Variants in WDR27 observed in about 807,000 individuals in gnomAD.
The protein encoded by WDR27 is WD repeat-containing protein 27.
Under a neutral mutation model 114.4 loss-of-function variants are expected in WDR27, and 100 were observed. The observed-to-expected ratio is 0.87, with a 90% CI of 0.74 to 1.03. The LOEUF is 1.03. WDR27 is among the 50% of genes least tolerant of loss of function. The pLI, the probability that WDR27 is intolerant of heterozygous loss-of-function variation, is 0.00. For synonymous variants in WDR27, 449 were observed against 423.1 expected, an observed-to-expected ratio of 1.06 and a Z score of -0.75; for missense variants, 1,129 against 1,092.9, an observed-to-expected ratio of 1.03 and a Z score of -0.47.
At chr6:169,692,240 T>C (rs937727367) in intron 1 of WDR27, among the ~76,000 whole-genome samples, 1 of 152,180 alleles carries the variant, frequency 6.6e-6, no homozygotes, top group Non-Finnish European at 1.5e-5. Flanking sequence ...AGGGAAGCCA[T>C]CCCTGACTGT....
At chr6:169,607,804 C>G (rs1809563882) in intron 22 of WDR27, among the ~76,000 whole-genome samples, 1 of 152,160 alleles carries the variant, frequency 6.6e-6, no homozygotes, top group Non-Finnish European at 1.5e-5. Flanking sequence ...GCAATAATCA[C>G]TAGAAAATGG....
intron 23 of WDR27, among the ~76,000 whole-genome samples, chr6:169,592,864 T>A (rs2128157077): frequency 6.6e-6 from 1 of 152,326 alleles, no homozygotes; most frequent in Non-Finnish European, 1.5e-5. Context: ...TTACCGGGTG[T>A]TTTAGCAGAA....
chr6:169,589,403 G>A (rs1805269513), intron 23 of WDR27, among the ~76,000 whole-genome samples: 1 of 152,162 alleles, frequency 6.6e-6, no homozygotes. Flanking sequence ...CTGAGGGCAG[G>A]CAGCCTTCCA....
chr6:169,436,378 A>G, the WDR27 span, among the ~76,000 whole-genome samples: 1 of 152,144 alleles, frequency 6.6e-6, no homozygotes, highest in Non-Finnish European at 1.5e-5. Context: ...TAAAAGCAAA[A>G]TAATTTTTGT....
At chr6:169,582,410 T>G (rs549644980) in intron 24 of WDR27, among the ~76,000 whole-genome samples, 31 of 152,368 alleles carry the variant, frequency 2.0e-4, no homozygotes, top group African/African-American at 7.5e-4. Flanking sequence ...CTGGAAATGC[T>G]GCAGACTTTT....
chr6:169,551,005 C>T (rs995856137), intron 25 of WDR27, among the ~76,000 whole-genome samples: 10 of 152,216 alleles, frequency 6.6e-5, no homozygotes, highest in African/African-American at 1.2e-4. Context: ...TGTCAGCCAC[C>T]GCACCTGGAC....
chr6:169,685,268 G>GA (rs60810429), intron 2 of WDR27, among the ~76,000 whole-genome samples: 25,991 of 141,504 alleles, frequency 0.18, 2,933 homozygotes, highest in African/African-American at 0.31. Context: ...GAAAATCAAA[G>GA]AAAAAAAAAA....
chr6:169,670,673 C>G lies in WDR27; in HGVS notation c.352G>C (p.Val118Leu), dbSNP rs367700213. The G allele has an allele frequency of 6.2e-7, 1 of 1,613,986 alleles. No homozygotes were observed. Among genetic ancestry groups the G allele is most frequent in the Non-Finnish European group, 8.5e-7 (1 of 1,179,888 alleles). ...ACCTTTCCCAAAAGCGAGCCCATGACAGTCCCTCGAGGGACCAGCCCTAGA... is the reference window on the plus strand; with the variant it reads ...ACCTTTCCCAAAAGCGAGCCCATGAGAGTCCCTCGAGGGACCAGCCCTAGA... ...VLQGLVPRGT[V>L]MGSLLGKVLC... The change falls in exon 4 of 26, where the codon GTC becomes CTC. Residue 118 changes from valine (V) to leucine (L), a missense_variant. Physicochemically the swap from Val to Leu is conservative, Grantham distance 32. Coordinates refer to ENST00000448612, the MANE Select transcript of WDR27 (RefSeq NM_182552.5).
chr6:169,597,099 A>G (rs1054011898), intron 23 of WDR27, among the ~76,000 whole-genome samples: 4 of 152,174 alleles, frequency 2.6e-5, no homozygotes, highest in Admixed American at 6.5e-5. Flanking sequence ...AAGTATTATC[A>G]TATCAGCTTC....
intron 25 of WDR27, among the ~76,000 whole-genome samples, chr6:169,505,207 C>T (rs1053764407): frequency 2.6e-5 from 4 of 152,204 alleles, no homozygotes; most frequent in Non-Finnish European, 4.4e-5. Flanking sequence ...TGTAAATATT[C>T]TTAAGAACTT....
intron 13 of WDR27, among the ~76,000 whole-genome samples, chr6:169,655,293 G>A (rs1368880821): frequency 6.6e-6 from 1 of 152,232 alleles, no homozygotes; most frequent in Non-Finnish European, 1.5e-5. Flanking sequence ...GCCATCGTCT[G>A]CCATCGACCT....
chr6:169,620,539 T>C (rs1198486824), intron 21 of WDR27, among the ~76,000 whole-genome samples: 2 of 152,144 alleles, frequency 1.3e-5, no homozygotes, highest in African/African-American at 4.8e-5. Flanking sequence ...CTCAAAAGAA[T>C]GTAACCTTTT....
At chr6:169,642,924 G>T (rs571631098) in intron 17 of WDR27, among the ~76,000 whole-genome samples, 67 of 152,278 alleles carry the variant, frequency 4.4e-4, no homozygotes, top group Non-Finnish European at 8.4e-4. Flanking sequence ...TCAGATTTTG[G>T]AGTATTTGCA....
At chr6:169,573,454 G>C (rs1584310268) in intron 24 of WDR27, among the ~76,000 whole-genome samples, 1 of 152,100 alleles carries the variant, frequency 6.6e-6, no homozygotes, top group South Asian at 2.1e-4. Flanking sequence ...ACCAAACTCG[G>C]ATCAAAAATA....
intron 13 of WDR27, among the ~76,000 whole-genome samples, chr6:169,656,059 G>C (rs573090489): frequency 6.6e-5 from 10 of 152,234 alleles, no homozygotes; most frequent in African/African-American, 2.4e-4. Context: ...AGCAGAGAGG[G>C]GACCCGGAGA....
chr6:169,633,064 G>T lies in WDR27; in HGVS notation c.2106C>A (p.Ile702=). The T allele has an allele frequency of 6.3e-7, 1 of 1,577,376 alleles. No homozygotes were observed. The highest frequency in any genetic ancestry group is 8.7e-7 in the Non-Finnish European group (1 of 1,151,622). The change falls in exon 21 of 26, where the codon ATC becomes ATA. Residue 702 remains isoleucine (I), a synonymous_variant. Coordinates refer to ENST00000448612, the MANE Select transcript of WDR27 (RefSeq NM_182552.5). ...TCCTGTTCCGGCCAGCTGCGAGTAC[G>T]ATGTCTGCGATAATCCAGTTAGGGA... ...LSAVNDFYSH[I]VLAAGRNRTV...
At chr6:169,614,669 C>A (rs1447432122) in intron 21 of WDR27, among the ~76,000 whole-genome samples, 5 of 147,292 alleles carry the variant, frequency 3.4e-5, no homozygotes, top group African/African-American at 1.3e-4. Flanking sequence ...GCCTGGGCAA[C>A]AGAGTGAGAC....
chr6:169,627,834 A>T (rs1023061054), intron 21 of WDR27, among the ~76,000 whole-genome samples: 3 of 152,210 alleles, frequency 2.0e-5, no homozygotes, highest in African/African-American at 7.2e-5. Flanking sequence ...CAGCCCATGC[A>T]GAGGGAGGAG....
intron 25 of WDR27, among the ~76,000 whole-genome samples, chr6:169,511,534 T>TAAG (rs56311313): frequency 0.89 from 135,347 of 151,950 alleles, 61,295 homozygotes; most frequent in Non-Finnish European, 0.93. Flanking sequence ...ATCTGTATTA[T>TAAG]AAGAAAATTA....
Sources: gnomAD v4.1 joint callset for allele counts (sites outside exome capture counted in the v4.1 genomes callset) on GRCh38, gnomAD v4.1.1 for gene constraint, MANE v1.5 for transcripts, NCBI Gene and HGNC (gene_info 2026-07-23, HGNC 2026-07-21) for gene names.